Variants in PRL observed in about 807,000 individuals in gnomAD.
The protein encoded by PRL is decidual prolactin.
A neutral mutation model predicts 21.3 loss-of-function variants in PRL; 24 were observed. The observed-to-expected ratio is 1.13, with a 90% CI of 0.82 to 1.59. PRL has a LOEUF of 1.59. Among genes scored for constraint, PRL ranks in the 40% most tolerant of loss-of-function variants. The probability of loss-of-function intolerance (pLI) is 0.00; values close to 1 mark genes in which losing one functional copy is unlikely to be tolerated. For synonymous variants in PRL, 118 were observed against 115.7 expected (o/e 1.02, Z -0.13); for missense variants, 243 against 286.9 (o/e 0.85, Z 1.10).
At chr6:22,293,140 G>A (rs1761089708) in intron 2 of PRL, among the ~76,000 whole-genome samples, 1 of 152,204 alleles carries the variant, frequency 6.6e-6, no homozygotes, top group South Asian at 2.1e-4. Flanking sequence ...AAGTTTCTCT[G>A]AGTCCACACA....
chr6:22,300,954 T>C (rs1236227296), upstream of PRL, among the ~76,000 whole-genome samples: 1 of 152,256 alleles, frequency 6.6e-6, no homozygotes, highest in Non-Finnish European at 1.5e-5. Flanking sequence ...TATAAAATAA[T>C]GCCAGATTTA....
chr6:22,298,816 A>G (rs1190304079), upstream of PRL, among the ~76,000 whole-genome samples: 1 of 152,218 alleles, frequency 6.6e-6, no homozygotes, highest in Admixed American at 6.5e-5. Context: ...AAAATCTGTT[A>G]TAAGAACTGA....
chr6:22,296,908 A>G, intron 1 of PRL, 47 bp downstream of exon 1: 2 of 1,593,230 alleles, frequency 1.3e-6, no homozygotes, highest in Non-Finnish European at 1.7e-6. Context: ...TAATCCCCCC[A>G]CAGGAGTGTT....
chr6:22,287,665 G>A (rs1760952151), intron 4 of PRL, 72 bp from the exon 5 acceptor site: 2 of 1,291,942 alleles, frequency 1.5e-6, no homozygotes, highest in South Asian at 1.9e-5. Flanking sequence ...CTTTCTAACT[G>A]TTGAATTAAG....
intron 2 of PRL, 86 bp downstream of exon 2, chr6:22,294,323 G>T: frequency 6.6e-7 from 1 of 1,509,448 alleles, no homozygotes; most frequent in South Asian, 1.1e-5. Context: ...ATTTGGCTCG[G>T]GAGGTTTTCT....
chr6:22,290,209 G>A lies in PRL; in HGVS notation c.457C>T (p.Arg153Trp), dbSNP rs144455216. The change falls in exon 4 of 5, where the codon CGG becomes TGG. Residue 153 changes from arginine (R) to tryptophan (W), a missense_variant. Physicochemically the swap from Arg to Trp is moderately radical, Grantham distance 101. Transcript: ENST00000306482. ...KAVEIEEQTK[R>W]LLEGMELIVS... ...ATCAGCTCCATGCCCTCTAGAAGCC[G>A]TTTGGTTTGCTCCTCAATCTCTACA... 209 of 1,603,404 alleles carry A rather than the reference G, an allele frequency of 1.3e-4. No homozygotes were observed. Among genetic ancestry groups the A allele is most frequent in the Non-Finnish European group, 1.4e-4 (169 of 1,172,664 alleles).
rs1240296880 is a variant in PRL, at chr6:22,288,891, T to A, written c.492+1283A>T. ...GTGTGTGTATGCGCGTGCGCGTGTG[T>A]GTGCGTGTGTGCGCGCGCGTGTGTG... is the stretch of plus-strand genomic sequence containing the variant. On this transcript the variant is annotated intron_variant, in intron 4 of 4. Coordinates refer to ENST00000306482, the MANE Select transcript of PRL (RefSeq NM_000948.6). The surrounding 1 kb of genome is among the most constrained non-coding windows in gnomAD (Gnocchi z 4.5). Among the ~76,000 whole-genome samples, 1 of 151,910 alleles carries A rather than the reference T, an allele frequency of 6.6e-6. No individual in the cohort carries two copies. Among genetic ancestry groups the A allele is most frequent in the Non-Finnish European group, 1.5e-5 (1 of 67,968 alleles).
intron 1 of PRL, among the ~76,000 whole-genome samples, chr6:22,296,654 T>C (rs1045023993): frequency 6.6e-6 from 1 of 152,250 alleles, no homozygotes; most frequent in Non-Finnish European, 1.5e-5. Flanking sequence ...GGATGTTCAG[T>C]AGCATCTCTC....
Position 22,296,936 on chromosome 6 carries a change from A to C in PRL, c.28+19T>G, listed in dbSNP as rs555242003. 2 of 1,613,096 alleles carry C rather than the reference A, an allele frequency of 1.2e-6. No individual in the cohort carries two copies. The highest frequency in any genetic ancestry group is 1.7e-6 in the Non-Finnish European group (2 of 1,179,266). On this transcript the variant is annotated intron_variant, in intron 1 of 4. Transcript: ENST00000306482. ...GGAGTGTTGATACAACCAACAACGCAGTGAGTTGTCACACATACCTTTCCA... is the reference window on the plus strand; with the variant it reads ...GGAGTGTTGATACAACCAACAACGCCGTGAGTTGTCACACATACCTTTCCA...
intron 4 of PRL, among the ~76,000 whole-genome samples, chr6:22,289,840 T>C (rs532180649): frequency 1.3e-5 from 2 of 152,158 alleles, no homozygotes; most frequent in Non-Finnish European, 2.9e-5. Context: ...GTGGGTGTCC[T>C]GGGATACCCT....
intron 1 of PRL, among the ~76,000 whole-genome samples, chr6:22,295,479 C>T (rs1452416841): frequency 1.3e-5 from 2 of 152,154 alleles, no homozygotes; most frequent in Non-Finnish European, 2.9e-5. Flanking sequence ...TTGTTGCTGT[C>T]ACTTTTAAAG....
upstream of PRL, chr6:22,297,600 T>TTGTTTTGTCTTTTTAAAAATACATG (rs1761204740): frequency 2.6e-5 from 4 of 152,452 alleles, no homozygotes; most frequent in Non-Finnish European, 5.9e-5. Flanking sequence ...AATACACATT[T>TTGTTTTGTCTTTTTAAAAATACATG]TGTTTTGTCT....
chr6:22,287,361 C>A lies in PRL; in HGVS notation c.*41G>T. On this transcript the variant is annotated 3_prime_UTR_variant, in exon 5 of 5. Transcript: ENST00000306482. ...AAAAGAAGCTTGCAATGGAACGGAT[C>A]ATTAAGGACCTTCTCAGAAATAGAT... 1.9e-6 allele frequency: 3 copies of A among 1,552,956 alleles called. No individual in the cohort carries two copies. The highest frequency in any genetic ancestry group is 2.6e-6 in the Non-Finnish European group (3 of 1,137,180).
In PRL at chr6:22,292,527, G is replaced by C; in HGVS notation, c.312+11C>G. 1 of 1,611,692 alleles carries C rather than the reference G, an allele frequency of 6.2e-7. No individual in the cohort carries two copies. Among genetic ancestry groups the C allele is most frequent in the Non-Finnish European group, 8.5e-7 (1 of 1,177,878 alleles). On this transcript the variant is annotated intron_variant, in intron 3 of 4. Transcript: ENST00000306482. ...GGTTGTTTTGGTGCAAAGCCTGGAT[G>C]AAGGACTCACATTCATCTGTTGGGC... is the stretch of plus-strand genomic sequence containing the variant.
At position 22,297,030 on chromosome 6, in the gene PRL, G is replaced by A. The variant is rs1382611606; in HGVS notation, c.-48C>T. 1 of 1,602,500 alleles carries A rather than the reference G, an allele frequency of 6.2e-7. No homozygotes were observed. The highest frequency in any genetic ancestry group is 1.1e-5 in the South Asian group (1 of 90,236). On this transcript the variant is annotated 5_prime_UTR_variant, in exon 1 of 5. Transcript: ENST00000306482. ...ACACTTCACCAGAGAAGATCTGGAA[G>A]TCTCACGGTTTTCTCTTTCCCAGAT... is the stretch of plus-strand genomic sequence containing the variant.
chr6:22,296,302 C>T (rs1761171449), intron 1 of PRL, among the ~76,000 whole-genome samples: 1 of 152,164 alleles, frequency 6.6e-6, no homozygotes, highest in African/African-American at 2.4e-5. Context: ...CAAATGTCAA[C>T]CAAGAAAGTA....
chr6:22,291,023 C>G (rs971351550), intron 3 of PRL: 1 of 152,182 alleles, frequency 6.6e-6, no homozygotes, highest in Non-Finnish European at 1.5e-5. Flanking sequence ...TCTTGAATAA[C>G]CATGGAATTC....
At position 22,296,954 on chromosome 6, in the gene PRL, C is replaced by A. The variant is rs1399156360; in HGVS notation, c.28+1G>T. 8 of 1,613,854 alleles carry A rather than the reference C, an allele frequency of 5.0e-6. No homozygotes were observed. Among genetic ancestry groups the A allele is most frequent in the East Asian group, 2.2e-5 (1 of 44,880 alleles). The stretch of plus-strand genomic sequence containing the variant: ...ACAACGCAGTGAGTTGTCACACATA[C>A]CTTTCCATGGCGATCCTTTGATGTT... On this transcript the variant is annotated splice_donor_variant, in intron 1 of 4. Transcript: ENST00000306482. LOFTEE classifies it high-confidence loss of function.
In PRL at chr6:22,290,279, T is replaced by G. The variant is rs965515434; in HGVS notation, c.387A>C (p.Glu129Asp). 3.1e-6 allele frequency: 5 copies of G among 1,612,484 alleles called. No individual in the cohort carries two copies. The African/African-American group carries it at 6.7e-5, about 22-fold the overall frequency. Reference sequence around the variant, plus strand: ...CCGGGGCTTCTTGCATACCACGTACTTCCGTGACCAGATGATACAGAGGCT... The same window carrying G: ...CCGGGGCTTCTTGCATACCACGTACGTCCGTGACCAGATGATACAGAGGCT... ...WNEPLYHLVT[E>D]VRGMQEAPEA... The change falls in exon 4 of 5, where the codon GAA becomes GAC. Residue 129 changes from glutamate to aspartate, a missense_variant. Coordinates refer to ENST00000306482, the MANE Select transcript of PRL (RefSeq NM_000948.6).
Sources: gnomAD v4.1 joint callset for allele counts (sites outside exome capture counted in the v4.1 genomes callset) on GRCh38, gnomAD v4.1.1 for gene constraint, Gnocchi (gnomAD v3.1) non-coding constraint, MANE v1.5 for transcripts, NCBI Gene and HGNC (gene_info 2026-07-23, HGNC 2026-07-21) for gene names.